CYRIA: variants seen among roughly 807,000 people sequenced by gnomAD.
CYRIA encodes CYFIP related Rac1 interactor A.
CYRIA carries 15 observed loss-of-function variants against 43.9 expected under a neutral mutation model. The observed-to-expected ratio is 0.34, with a 90% CI of 0.23 to 0.53. The LOEUF (loss-of-function observed/expected upper bound fraction) is 0.53. Ranked by LOEUF, CYRIA falls within the 20% of genes least tolerant of loss-of-function variation. CYRIA has a pLI of 0.94. For synonymous variants in CYRIA, 117 were observed against 136.0 expected (o/e 0.86, Z 0.97); for missense variants, 236 against 394.2 (o/e 0.60, Z 3.40).
chr2:16,557,902 T>C (rs1193122042), intron 10 of CYRIA, among the ~76,000 whole-genome samples: 1 of 152,166 alleles, frequency 6.6e-6, no homozygotes, highest in Non-Finnish European at 1.5e-5. Flanking sequence ...AGTCAAATAA[T>C]ATTTACAGAG....
chr2:16,626,757 C>A (rs1209130112), intron 1 of CYRIA, among the ~76,000 whole-genome samples: 2 of 152,170 alleles, frequency 1.3e-5, no homozygotes, highest in Non-Finnish European at 2.9e-5. Flanking sequence ...ATATCACCAG[C>A]AACACCAGCA....
chr2:16,584,736 T>G (rs1667666939), intron 3 of CYRIA, among the ~76,000 whole-genome samples: 1 of 152,182 alleles, frequency 6.6e-6, no homozygotes, highest in East Asian at 1.9e-4. Flanking sequence ...ATGCCCTTCC[T>G]ATTCCAGTTT....
chr2:16,561,088 T>G lies in CYRIA; in HGVS notation c.631-19A>C, dbSNP rs755946127. ...TTTTGTTCTAAATGGGAGACACAAA[T>G]GTACATTAGTCCTGCTTGCAGCTCT... On this transcript the variant is annotated intron_variant, in intron 8 of 11. Transcript: ENST00000381323. 6.2e-7 allele frequency: 1 copy of G among 1,612,658 alleles called. No individual in the cohort carries two copies. Among genetic ancestry groups the G allele is most frequent in the Admixed American group, 1.7e-5 (1 of 59,976 alleles).
intron 3 of CYRIA, among the ~76,000 whole-genome samples, chr2:16,579,449 G>GCT (rs200695988): frequency 1.3e-4 from 15 of 113,698 alleles, no homozygotes; most frequent in African/African-American, 2.4e-4. Context: ...ACACACACTC[G>GCT]CTCTCTCTCT....
intron 2 of CYRIA, among the ~76,000 whole-genome samples, chr2:16,617,007 T>C: frequency 1.3e-5 from 2 of 152,368 alleles, no homozygotes; most frequent in East Asian, 1.9e-4. Context: ...CACTCACATG[T>C]ACAGTATTTG....
intron 1 of CYRIA, among the ~76,000 whole-genome samples, chr2:16,648,504 C>T (rs1450849841): frequency 2.6e-5 from 4 of 152,254 alleles, no homozygotes; most frequent in South Asian, 2.1e-4. Flanking sequence ...TGTGATGACA[C>T]GAGTTTCATC....
chr2:16,626,269 C>T (rs1028393489), intron 1 of CYRIA, among the ~76,000 whole-genome samples: 6 of 152,100 alleles, frequency 3.9e-5, no homozygotes, highest in South Asian at 2.1e-4. Context: ...CCTACTCCAG[C>T]GGGCCCCCTG....
At chr2:16,644,772 G>A (rs894013209) in intron 1 of CYRIA, among the ~76,000 whole-genome samples, 9 of 152,042 alleles carry the variant, frequency 5.9e-5, no homozygotes, top group Admixed American at 1.3e-4. Context: ...CTACCTTTGC[G>A]GGAGTCTTTA....
chr2:16,618,120 G>A (rs534060258), intron 2 of CYRIA, among the ~76,000 whole-genome samples: 123 of 152,298 alleles, frequency 8.1e-4, no homozygotes, highest in Non-Finnish European at 1.5e-3. Context: ...CTTCCTTGGC[G>A]AGGTAGTCTT....
intron 1 of CYRIA, among the ~76,000 whole-genome samples, chr2:16,635,579 C>A (rs1361974083): frequency 2.0e-5 from 3 of 152,160 alleles, no homozygotes; most frequent in African/African-American, 7.2e-5. Context: ...TGTGCATCCC[C>A]CCACAGTGAC....
chr2:16,632,609 G>A (rs556537166), intron 1 of CYRIA, among the ~76,000 whole-genome samples: 1 of 152,248 alleles, frequency 6.6e-6, no homozygotes. Context: ...TCATCTTTGT[G>A]GGAAGAGCCA....
intron 3 of CYRIA, among the ~76,000 whole-genome samples, chr2:16,574,976 T>C (rs1667281226): frequency 6.6e-6 from 1 of 152,056 alleles, no homozygotes; most frequent in Non-Finnish European, 1.5e-5. Flanking sequence ...TTACACTGTG[T>C]GCCTGGAAAA....
rs544236056 is a variant in CYRIA, at chr2:16,613,066, G to A, written c.-11+10798C>T. 4.6e-5 allele frequency among the ~76,000 whole-genome samples: 7 copies of A among 152,300 alleles called. No homozygotes were observed. The East Asian group carries it at 9.7e-4, about 21-fold the overall frequency. On this transcript the variant is annotated intron_variant, in intron 2 of 11. Transcript: ENST00000381323. ...ACTGTGAGGCCTCCACAGCCATGTGGAACTGTGAGTCAATTAAACCTCTTT... is the reference window on the plus strand; with the variant it reads ...ACTGTGAGGCCTCCACAGCCATGTGAAACTGTGAGTCAATTAAACCTCTTT...
intron 10 of CYRIA, among the ~76,000 whole-genome samples, chr2:16,558,241 T>C (rs1213801716): frequency 1.3e-5 from 2 of 152,190 alleles, no homozygotes; most frequent in Admixed American, 6.5e-5. Context: ...ATTTTCTTGG[T>C]ACATAGAAAT....
intron 1 of CYRIA, among the ~76,000 whole-genome samples, chr2:16,647,079 G>A (rs536070951): frequency 1.6e-4 from 25 of 152,108 alleles, no homozygotes; most frequent in Non-Finnish European, 2.4e-4. Flanking sequence ...AGCCATATCC[G>A]TATCCGTATC....
intron 3 of CYRIA, among the ~76,000 whole-genome samples, chr2:16,581,323 T>C (rs1198822491): frequency 1.3e-5 from 2 of 152,158 alleles, no homozygotes; most frequent in Non-Finnish European, 2.9e-5. Flanking sequence ...GATAAGCAAC[T>C]ATACAATAAG....
intron 2 of CYRIA, among the ~76,000 whole-genome samples, chr2:16,603,503 T>C (rs1402334777): frequency 2.0e-5 from 3 of 152,096 alleles, no homozygotes; most frequent in Non-Finnish European, 4.4e-5. Flanking sequence ...ACACTTCCTT[T>C]GAAGTAGGAG....
chr2:16,664,206 A>G lies in CYRIA; in HGVS notation c.-167+1574T>C, dbSNP rs140747594. 1.2e-4 allele frequency among the ~76,000 whole-genome samples: 19 copies of G among 152,234 alleles called. No individual in the cohort carries two copies. In the East Asian group the frequency reaches 3.7e-3, roughly 29 times the overall value. On this transcript the variant is annotated intron_variant, in intron 1 of 11. Coordinates refer to ENST00000381323, the MANE Select transcript of CYRIA (RefSeq NM_030797.4). ...CCCCCTTCCCAGAGCCAGAGCCCAGAGGCAGGAGGGAATGTGGGCAGGTCT... is the reference window on the plus strand; with the variant it reads ...CCCCCTTCCCAGAGCCAGAGCCCAGGGGCAGGAGGGAATGTGGGCAGGTCT...
At chr2:16,608,093 G>A (rs554420566) in intron 2 of CYRIA, among the ~76,000 whole-genome samples, 10 of 151,994 alleles carry the variant, frequency 6.6e-5, no homozygotes, top group Non-Finnish European at 1.0e-4. Flanking sequence ...ACTCCTCCCC[G>A]CCCAACCACC....
Sources: gnomAD v4.1 joint callset for allele counts (sites outside exome capture counted in the v4.1 genomes callset) on GRCh38, gnomAD v4.1.1 for gene constraint, MANE v1.5 for transcripts, NCBI Gene and HGNC (gene_info 2026-07-23, HGNC 2026-07-21) for gene names.